The following SUPT6H variants were observed in gnomAD, a reference collection of about 807,000 sequenced individuals.
The protein encoded by SUPT6H is SPT6 homolog, histone chaperone and transcription elongation factor.
In SUPT6H, 11 loss-of-function variants were observed where a neutral mutation model predicts 222.3. The ratio of observed to expected loss-of-function variants is 0.05; its 90% CI spans 0.03 to 0.08. The LOEUF is 0.08. SUPT6H is among the 10% of genes least tolerant of loss of function. The probability of loss-of-function intolerance (pLI) is 1.00; values close to 1 mark genes in which losing one functional copy is unlikely to be tolerated. For synonymous variants in SUPT6H, 762 were observed against 801.2 expected (o/e 0.95, Z 0.83); for missense variants, 1,422 against 2,216.0 (o/e 0.64, Z 7.19).
chr17:28,664,784 G>A (rs1421839835), intron 1 of SUPT6H, among the ~76,000 whole-genome samples: 3 of 152,100 alleles, frequency 2.0e-5, no homozygotes, highest in East Asian at 3.8e-4. Context: ...TTATCCTCCC[G>A]TTTCACTGAG....
intron 4 of SUPT6H, 112 bp from the exon 5 acceptor site, chr17:28,674,858 C>A: frequency 7.6e-7 from 1 of 1,310,632 alleles, no homozygotes; most frequent in Non-Finnish European, 1.1e-6. Flanking sequence ...TGTTCTTTCC[C>A]ATCTCTCTTG....
intron 15 of SUPT6H, 75 bp from the exon 16 acceptor site, chr17:28,683,193 C>T: frequency 6.3e-7 from 1 of 1,578,306 alleles, no homozygotes; most frequent in Non-Finnish European, 8.6e-7. Context: ...TGTCTGAAAG[C>T]AGAAAGGCTG....
intron 32 of SUPT6H, among the ~76,000 whole-genome samples, chr17:28,699,494 C>T (rs1597722652): frequency 6.6e-6 from 1 of 152,178 alleles, no homozygotes; most frequent in East Asian, 1.9e-4. Context: ...CTCACTTCAC[C>T]GGCAGTATCC....
At position 28,686,727 on chromosome 17, in the gene SUPT6H, A is replaced by G. The variant is rs540776234; in HGVS notation, c.2638A>G (p.Ile880Val). The G allele has an allele frequency of 1.2e-5, 20 of 1,612,746 alleles. No individual in the cohort carries two copies. The highest frequency in any genetic ancestry group is 6.7e-5 in the Admixed American group (4 of 59,552). Residue 880 changes from isoleucine to valine, a missense_variant, in exon 21 of 37, where the codon ATT becomes GTT. By Grantham distance (29) the Ile-to-Val change is conservative. This residue lies in a region of SUPT6H where 294 missense variants were observed against 382.1 expected (regional missense o/e 0.77). Transcript: ENST00000314616. ...GGACCAGGGCCAGCAGCTGTCATCT[A>G]TTGGGGTAGAGCTGGTTGACAACGA... ...ELDQGQQLSS[I>V]GVELVDNELA...
Position 28,697,535 on chromosome 17 carries a change from C to T in SUPT6H, c.4210-85C>T, listed in dbSNP as rs1425736308. On this transcript the variant is annotated intron_variant, in intron 30 of 36. Coordinates refer to ENST00000314616, the MANE Select transcript of SUPT6H (RefSeq NM_003170.5). ...TGCTATGGACTGAGAAGCCCATCCC[C>T]TCCCATGGTTTTTCTTCTGGATGGA... 4.5e-6 allele frequency: 5 copies of T among 1,112,654 alleles called. No homozygotes were observed. In the East Asian group the frequency reaches 9.8e-5, roughly 22 times the overall value. 68.9% of individuals were successfully genotyped at this position (1,112,654 alleles called of 1,614,324 possible). A position where few individuals can be genotyped will look rare whatever the true frequency, so the allele number is the denominator to read the frequency against.
chr17:28,677,340 G>A lies in SUPT6H; in HGVS notation c.898-375G>A, dbSNP rs185991667. Among the ~76,000 whole-genome samples the A allele has an allele frequency of 1.5e-3, 235 of 151,646 alleles. 1 individual carries two copies. Among genetic ancestry groups the A allele is most frequent in the Non-Finnish European group, 2.8e-3 (188 of 67,908 alleles). Reference sequence around the variant, plus strand: ...GGAGGTTACAGTGAGCTGAGATCGCGCCATTGCACTCCAGCCTGGGCAACA... The same window carrying A: ...GGAGGTTACAGTGAGCTGAGATCGCACCATTGCACTCCAGCCTGGGCAACA... On this transcript the variant is annotated intron_variant, in intron 7 of 36. Coordinates refer to ENST00000314616, the MANE Select transcript of SUPT6H (RefSeq NM_003170.5).
intron 1 of SUPT6H, among the ~76,000 whole-genome samples, chr17:28,668,066 A>T (rs566770482): frequency 1.3e-5 from 2 of 152,298 alleles, no homozygotes; most frequent in South Asian, 4.1e-4. Flanking sequence ...ATCTGATCCC[A>T]GTTCCATTCC....
chr17:28,701,633 G>A lies in SUPT6H; in HGVS notation c.*8G>A. 1 of 1,599,066 alleles carries A rather than the reference G, an allele frequency of 6.3e-7. No homozygotes were observed. ...GACGAGATGGATCGGTAGGGGGCCT[G>A]CTCCTCGGACTCTGGTTACCTCTGA... On this transcript the variant is annotated 3_prime_UTR_variant, in exon 37 of 37. Coordinates refer to ENST00000314616, the MANE Select transcript of SUPT6H (RefSeq NM_003170.5).
At position 28,689,568 on chromosome 17, in the gene SUPT6H, G is replaced by A; in HGVS notation, c.3342+7G>A. The A allele has an allele frequency of 6.2e-7, 1 of 1,613,672 alleles. No homozygotes were observed. Among genetic ancestry groups the A allele is most frequent in the Non-Finnish European group, 8.5e-7 (1 of 1,179,974 alleles). On this transcript the variant is annotated splice_region_variant and intron_variant, in intron 25 of 36. Transcript: ENST00000314616. Reference sequence around the variant, plus strand: ...AGAAGAGCTGGAGAGGCAGGTAAGGGACAGCATGGAAGGCCCGGCAGGAGA... The same window carrying A: ...AGAAGAGCTGGAGAGGCAGGTAAGGAACAGCATGGAAGGCCCGGCAGGAGA...
In SUPT6H at chr17:28,687,127, G is replaced by A. The variant is rs539917385; in HGVS notation, c.2740G>A (p.Val914Ile). 8.7e-6 allele frequency: 14 copies of A among 1,613,926 alleles called. No homozygotes were observed. The highest frequency in any genetic ancestry group is 3.3e-5 in the Admixed American group (2 of 60,024). Residue 914 changes from valine to isoleucine, a missense_variant, in exon 22 of 37, where the codon GTC becomes ATC. Physicochemically the swap from Val to Ile is conservative, Grantham distance 29. This residue lies in a region of SUPT6H where 294 missense variants were observed against 382.1 expected (regional missense o/e 0.77). Transcript: ENST00000314616. The part of the protein sequence containing the change: ...RDYPPVLRQA[V>I]SLARRIQDPL... ...TTATCCTCCAGTGCTGAGACAGGCC[G>A]TCTCCCTGGCCCGGCGCATCCAGGA...
chr17:28,682,886 G>T (rs1369815617), intron 14 of SUPT6H, 30 bp downstream of exon 14: 1 of 1,613,762 alleles, frequency 6.2e-7, no homozygotes, highest in Non-Finnish European at 8.5e-7. Flanking sequence ...CTGACAGGAG[G>T]AGGGGCCTGA....
At chr17:28,680,537 G>T (rs1478821741) in intron 11 of SUPT6H, among the ~76,000 whole-genome samples, 2 of 151,190 alleles carry the variant, frequency 1.3e-5, no homozygotes, top group Non-Finnish European at 2.9e-5. Context: ...GGAGGTTGCA[G>T]TGAGCCGAAA....
chr17:28,686,944 G>C, intron 21 of SUPT6H, 144 bp from the exon 22 acceptor site: 1 of 1,479,298 alleles, frequency 6.8e-7, no homozygotes. Context: ...GGTTCAGATT[G>C]GGAGTCCCAG....
At chr17:28,695,978 C>T (rs1212369678) in intron 29 of SUPT6H, among the ~76,000 whole-genome samples, 1 of 151,590 alleles carries the variant, frequency 6.6e-6, no homozygotes, top group African/African-American at 2.4e-5. Context: ...GCCTGGGCAA[C>T]TTAGTAAGAC....
In SUPT6H at chr17:28,699,788, T is replaced by C. The variant is rs1422277095; in HGVS notation, c.4456T>C (p.Tyr1486His). 1 of 1,613,988 alleles carries C rather than the reference T, an allele frequency of 6.2e-7. No individual in the cohort carries two copies. Among genetic ancestry groups the C allele is most frequent in the Non-Finnish European group, 8.5e-7 (1 of 1,179,828 alleles). ...TTCCTTCTAAAATCCTAGGATAGAA[T>C]ATGTAACGGTGACTCCAGAGGGATT... ...YQPRGKPRIEYVTVTPEGFRY... is the reference protein window; with the variant it reads ...YQPRGKPRIEHVTVTPEGFRY... The change falls in exon 33 of 37, where the codon TAT (tyrosine) becomes CAT (histidine). Residue 1486 changes from tyrosine to histidine, a missense_variant. Coordinates refer to ENST00000314616, the MANE Select transcript of SUPT6H (RefSeq NM_003170.5).
rs2031618192 is a variant in SUPT6H, at chr17:28,691,066, G to A, written c.3633+3G>A. The A allele has an allele frequency of 1.2e-6, 2 of 1,613,174 alleles. No individual in the cohort carries two copies. The highest frequency in any genetic ancestry group is 1.7e-6 in the Non-Finnish European group (2 of 1,179,576). On this transcript the variant is annotated splice_donor_region_variant and intron_variant, in intron 27 of 36. Coordinates refer to ENST00000314616, the MANE Select transcript of SUPT6H (RefSeq NM_003170.5). ...ACAATTTCCCTGAACTAAGCGAGGT[G>A]TGTGCTGCAGCATTATCCTGCTCAG...
chr17:28,693,573 T>G lies in SUPT6H; in HGVS notation c.3634-123T>G, dbSNP rs562983133. ...CTTGGCAGATGACTAAGTCATTGTG[T>G]TTTCAGATCATGGTGCAAGGTGTCA... On this transcript the variant is annotated intron_variant, in intron 27 of 36. Coordinates refer to ENST00000314616, the MANE Select transcript of SUPT6H (RefSeq NM_003170.5). 3 of 1,198,936 alleles carry G rather than the reference T, an allele frequency of 2.5e-6. No homozygotes were observed. In the East Asian group the frequency reaches 7.2e-5, roughly 29 times the overall value. The allele number at this position is 1,198,936 out of a possible 1,614,324, so 74.3% of individuals were successfully genotyped here.
At position 28,683,527 on chromosome 17, in the gene SUPT6H, C is replaced by T. The variant is rs2031228076; in HGVS notation, c.2034-94C>T. 6 of 1,581,252 alleles carry T rather than the reference C, an allele frequency of 3.8e-6. No homozygotes were observed. The South Asian group carries it at 5.8e-5, about 15-fold the overall frequency. ...GGGGAACCACAATTTCAGAGTTGAGCAGGCTGTTGTCTCTGGCTTGCTTAG... is the reference window on the plus strand; with the variant it reads ...GGGGAACCACAATTTCAGAGTTGAGTAGGCTGTTGTCTCTGGCTTGCTTAG... On this transcript the variant is annotated intron_variant, in intron 16 of 36. Coordinates refer to ENST00000314616, the MANE Select transcript of SUPT6H (RefSeq NM_003170.5).
chr17:28,668,383 T>TA (rs2030216207), intron 1 of SUPT6H, among the ~76,000 whole-genome samples: 1 of 152,228 alleles, frequency 6.6e-6, no homozygotes, highest in Non-Finnish European at 1.5e-5. Flanking sequence ...CAGACTGCAG[T>TA]GCTACTGCAG....
Sources: gnomAD v4.1 joint callset for allele counts (sites outside exome capture counted in the v4.1 genomes callset) on GRCh38, gnomAD v4.1.1 for gene constraint, gnomAD v4.1.1 regional missense constraint, MANE v1.5 for transcripts, NCBI Gene and HGNC (gene_info 2026-07-23, HGNC 2026-07-21) for gene names.